UBE2W: variants seen among roughly 807,000 people sequenced by gnomAD.
UBE2W encodes the protein ubiquitin-conjugating enzyme E2 W.
A neutral mutation model predicts 27.2 loss-of-function variants in UBE2W; 18 were observed. The observed-to-expected ratio is 0.66, with a 90% CI of 0.46 to 0.98. The LOEUF is 0.98. UBE2W is among the 50% of genes least tolerant of loss of function. UBE2W has a pLI of 0.00. For missense variants in UBE2W, 90 were observed against 180.2 expected (o/e 0.50, Z 2.87); for synonymous variants, 53 against 57.2 (o/e 0.93, Z 0.33).
At chr8:73,844,643 G>A (rs192287949) in intron 1 of UBE2W, among the ~76,000 whole-genome samples, 8,442 of 150,484 alleles carry the variant, frequency 0.056, 775 homozygotes, top group African/African-American at 0.19. Flanking sequence ...CTGCCCGGCC[G>A]CCCAGTCTGG....
At chr8:73,819,927 G>T (rs777834074) in intron 3 of UBE2W, among the ~76,000 whole-genome samples, 1 of 152,182 alleles carries the variant, frequency 6.6e-6, no homozygotes, top group Non-Finnish European at 1.5e-5. Context: ...TTCTACTCTT[G>T]TAACTAGTGA....
chr8:73,865,177 C>T (rs1394219498), intron 1 of UBE2W, among the ~76,000 whole-genome samples: 1 of 35,138 alleles, frequency 2.8e-5, no homozygotes, highest in Non-Finnish European at 4.7e-5. Flanking sequence ...AGTGTGCAAA[C>T]GTCAAAAAAA....
intron 5 of UBE2W, among the ~76,000 whole-genome samples, chr8:73,802,740 T>C (rs968281107): frequency 1.3e-5 from 2 of 151,606 alleles, no homozygotes; most frequent in African/African-American, 4.8e-5. Flanking sequence ...AATACAAAAA[T>C]TGGCCGGGTG....
intron 1 of UBE2W, among the ~76,000 whole-genome samples, chr8:73,874,322 G>A (rs1197573370): frequency 6.6e-6 from 1 of 152,050 alleles, no homozygotes; most frequent in African/African-American, 2.4e-5. Context: ...TCCCAGCTAC[G>A]CGGGAGACTG....
At chr8:73,831,317 C>G in intron 1 of UBE2W, 1 of 191,904 alleles carries the variant, frequency 5.2e-6, no homozygotes, top group Non-Finnish European at 1.1e-5. Flanking sequence ...TTTTTTAATG[C>G]AAGATAAGCA....
rs572347633 is a variant in UBE2W at position 73,873,844 on chromosome 8, A to T, written c.15+4964T>A. ...AGGAAGTAAATGCAGAAATTTCACA[A>T]GGGTAATTCAACTGACCATTTCTCT... On this transcript the variant is annotated intron_variant, in intron 1 of 5. Transcript: ENST00000602593. Among the ~76,000 whole-genome samples, 47 of 152,322 alleles carry T rather than the reference A, an allele frequency of 3.1e-4. No individual in the cohort carries two copies. In the East Asian group the frequency reaches 4.0e-3, roughly 13 times the overall value.
Position 73,830,374 on chromosome 8 carries a change from T to G in UBE2W, c.107+7A>C. The stretch of plus-strand genomic sequence containing the variant: ...AACAAAGAGCCCTTTTAAAATTAAA[T>G]ACTTACTGTGTAATTGAATTTTGAA... On this transcript the variant is annotated splice_region_variant and intron_variant, in intron 2 of 5. Transcript: ENST00000602593. The G allele has an allele frequency of 6.2e-7, 1 of 1,600,960 alleles. No homozygotes were observed. The highest frequency in any genetic ancestry group is 1.1e-5 in the South Asian group (1 of 90,248).
At chr8:73,863,405 G>A (rs1248601493) in intron 1 of UBE2W, among the ~76,000 whole-genome samples, 2 of 142,270 alleles carry the variant, frequency 1.4e-5, no homozygotes, top group Admixed American at 1.4e-4. Context: ...AGGAAGGGGA[G>A]TATCACACTC....
At chr8:73,841,840 T>A (rs1810548375) in intron 1 of UBE2W, among the ~76,000 whole-genome samples, 1 of 152,182 alleles carries the variant, frequency 6.6e-6, no homozygotes, top group Non-Finnish European at 1.5e-5. Flanking sequence ...CCTGAAACTA[T>A]GATCCCTCAG....
In UBE2W at chr8:73,788,202, T is replaced by C; in HGVS notation, c.*5900A>G. The C allele has an allele frequency of 1.1e-6, 1 of 946,030 alleles. No homozygotes were observed. The highest frequency in any genetic ancestry group is 1.3e-6 in the Non-Finnish European group (1 of 794,292). The allele number at this position is 946,030 out of a possible 1,614,324, so 58.6% of individuals were successfully genotyped here. ...AAGTAATCTGCATTCAACTAACAAG[T>C]CTGATACATGTATTAAAAAATATAT... On this transcript the variant is annotated 3_prime_UTR_variant, in exon 6 of 6. Transcript: ENST00000602593.
At chr8:73,867,155 T>C (rs768949781) in intron 1 of UBE2W, among the ~76,000 whole-genome samples, 13 of 151,736 alleles carry the variant, frequency 8.6e-5, no homozygotes, top group Non-Finnish European at 1.6e-4. Context: ...GATCTCAGCA[T>C]GTTGGGAGGC....
chr8:73,865,747 A>AAT (rs1038902739), intron 1 of UBE2W, among the ~76,000 whole-genome samples: 8 of 152,306 alleles, frequency 5.3e-5, no homozygotes, highest in African/African-American at 1.2e-4. Context: ...CGATTTCCTT[A>AAT]ATATATATAT....
In UBE2W at chr8:73,866,012, T is replaced by A. The variant is rs1182876582; in HGVS notation, c.15+12796A>T. Reference sequence around the variant, plus strand: ...TTCTCAGCAGACCAGGAGCAGTGGCTCATGCCTGTAATCCCACCACTTTGG... The same window carrying A: ...TTCTCAGCAGACCAGGAGCAGTGGCACATGCCTGTAATCCCACCACTTTGG... On this transcript the variant is annotated intron_variant, in intron 1 of 5. Transcript: ENST00000602593. 3.9e-5 allele frequency among the ~76,000 whole-genome samples: 6 copies of A among 151,974 alleles called. No individual in the cohort carries two copies. The East Asian group carries it at 1.2e-3, about 29-fold the overall frequency.
chr8:73,804,191 G>A (rs539367821), intron 5 of UBE2W, among the ~76,000 whole-genome samples: 1 of 151,690 alleles, frequency 6.6e-6, no homozygotes, highest in East Asian at 1.9e-4. Context: ...TGAGGATACA[G>A]AAGGCTTCAC....
chr8:73,784,375 T>C (rs752636630), downstream of UBE2W, among the ~76,000 whole-genome samples: 2 of 152,168 alleles, frequency 1.3e-5, no homozygotes, highest in Non-Finnish European at 2.9e-5. Flanking sequence ...TAAATGAGTA[T>C]AAAGACAAAC....
downstream of UBE2W, among the ~76,000 whole-genome samples, chr8:73,783,518 C>G (rs969686141): frequency 1.3e-5 from 2 of 152,140 alleles, no homozygotes; most frequent in African/African-American, 4.8e-5. Context: ...TTTCTGGACT[C>G]TCTATTCTGT....
chr8:73,845,355 C>CGT (rs959504222), intron 1 of UBE2W, among the ~76,000 whole-genome samples: 3 of 152,168 alleles, frequency 2.0e-5, no homozygotes, highest in African/African-American at 7.2e-5. Context: ...CATTTTGTTC[C>CGT]GTACTAAGAG....
At chr8:73,825,359 G>T in intron 2 of UBE2W, 110 bp from the exon 3 acceptor site, 1 of 690,196 alleles carries the variant, frequency 1.4e-6, no homozygotes, top group Non-Finnish European at 2.4e-6. Flanking sequence ...ACAAGAGTTG[G>T]TTATGTGTAA....
chr8:73,803,372 T>C (rs1808727309), intron 5 of UBE2W, among the ~76,000 whole-genome samples: 1 of 152,242 alleles, frequency 6.6e-6, no homozygotes, highest in Non-Finnish European at 1.5e-5. Flanking sequence ...TGCCTTATCA[T>C]ATATTCAAAT....
Sources: gnomAD v4.1 joint callset for allele counts (sites outside exome capture counted in the v4.1 genomes callset) on GRCh38, gnomAD v4.1.1 for gene constraint, MANE v1.5 for transcripts, NCBI Gene and HGNC (gene_info 2026-07-23, HGNC 2026-07-21) for gene names.